MYO1B: variants seen among roughly 807,000 people sequenced by gnomAD.
The protein encoded by MYO1B is myosin IB.
In MYO1B, 72 loss-of-function variants were observed where a neutral mutation model predicts 159.7. The observed-to-expected ratio is 0.45, with a 90% CI of 0.37 to 0.55. The LOEUF (loss-of-function observed/expected upper bound fraction) is 0.55, where lower values mean the gene tolerates loss of function less well. Among genes scored for constraint, MYO1B ranks in the 20% least tolerant of loss-of-function variants. The pLI is 0.00. For synonymous variants in MYO1B, 468 were observed against 473.8 expected, an observed-to-expected ratio of 0.99 and a Z score of 0.16; for missense variants, 1,062 against 1,364.8, an observed-to-expected ratio of 0.78 and a Z score of 3.50.
chr2:191,384,782 A>G (rs1695302754), intron 15 of MYO1B, among the ~76,000 whole-genome samples: 1 of 152,216 alleles, frequency 6.6e-6, no homozygotes, highest in Admixed American at 6.5e-5. Context: ...AATACACTTA[A>G]TTTAACTAGA....
rs574387972 is a variant in MYO1B at position 191,302,281 on chromosome 2, G to A, written c.251+6055G>A. Among the ~76,000 whole-genome samples the A allele has an allele frequency of 2.0e-5, 3 of 152,168 alleles. No homozygotes were observed. In the South Asian group the frequency reaches 6.2e-4, roughly 32 times the overall value. ...CCTCTTGAATGAGATAGAAGCTTCT[G>A]TAGGTTAGAAACTTTATCCTGCACA... On this transcript the variant is annotated intron_variant, in intron 3 of 30. Coordinates refer to ENST00000392318, the MANE Select transcript of MYO1B (RefSeq NM_001130158.3).
At position 191,416,156 on chromosome 2, in the gene MYO1B, T is replaced by C. The variant is rs758316470; in HGVS notation, c.3201T>C (p.Ser1067=). ...GTAAAGGAGACTTTCTCTTCAGCAG[T>C]GATCACCTGATTGAAATGGCCACCA... The part of the protein sequence containing the change: ...AASKGDFLFS[S]DHLIEMATKL... Residue 1067 remains serine (S), a synonymous_variant, in exon 30 of 31, where the codon AGT becomes AGC. Coordinates refer to ENST00000392318, the MANE Select transcript of MYO1B (RefSeq NM_001130158.3). 6.2e-7 allele frequency: 1 copy of C among 1,614,190 alleles called. No individual in the cohort carries two copies. Among genetic ancestry groups the C allele is most frequent in the Admixed American group, 1.7e-5 (1 of 60,026 alleles).
intron 1 of MYO1B, among the ~76,000 whole-genome samples, chr2:191,246,655 G>C (rs1342076510): frequency 6.6e-6 from 1 of 151,718 alleles, no homozygotes; most frequent in Non-Finnish European, 1.5e-5. Flanking sequence ...AGTGGATATT[G>C]GCTGGAATGG....
chr2:191,267,127 C>T (rs1306361028), intron 1 of MYO1B, among the ~76,000 whole-genome samples: 1 of 152,082 alleles, frequency 6.6e-6, no homozygotes, highest in African/African-American at 2.4e-5. Flanking sequence ...AGGGTGTTAA[C>T]CCTTAGATAA....
intron 4 of MYO1B, among the ~76,000 whole-genome samples, chr2:191,332,210 A>T (rs7595096): frequency 0.094 from 14,269 of 152,136 alleles, 2,182 homozygotes; most frequent in African/African-American, 0.32. Flanking sequence ...TGATCCACCC[A>T]CCTTGGCCTC....
chr2:191,309,851 T>A (rs1011289051), intron 3 of MYO1B, among the ~76,000 whole-genome samples: 17 of 152,266 alleles, frequency 1.1e-4, no homozygotes, highest in African/African-American at 3.9e-4. Flanking sequence ...TTTTTGTTAC[T>A]TTATTGTCTT....
At position 191,274,781 on chromosome 2, in the gene MYO1B, G is replaced by GCATGGCACGTGCCTCC. The variant is rs1202833434; in HGVS notation, c.-9-2103_-9-2088dup. 2.6e-5 allele frequency among the ~76,000 whole-genome samples: 4 copies of GCATGGCACGTGCCTCC among 152,144 alleles called. No homozygotes were observed. In the East Asian group the frequency reaches 7.7e-4, roughly 29 times the overall value. On this transcript the variant is annotated intron_variant, in intron 1 of 30. Transcript: ENST00000392318. ...CTGTGGCTCCTGCTGCATTTCCATA[G>GCATGGCACGTGCCTCC]CATGGCACGTGCCTCCCACCCTCAT...
Position 191,284,962 on chromosome 2 carries a change from T to G in MYO1B, c.135+7932T>G, listed in dbSNP as rs540942725. ...ACCCTGGTATTTTCATTAGTTAGAT[T>G]CTTTCTCTTCTCCCCTTCCCTGCCT... On this transcript the variant is annotated intron_variant, in intron 2 of 30. Coordinates refer to ENST00000392318, the MANE Select transcript of MYO1B (RefSeq NM_001130158.3). Among the ~76,000 whole-genome samples the G allele has an allele frequency of 4.9e-4, 75 of 152,270 alleles. No homozygotes were observed. The Middle Eastern group carries it at 0.01, about 21-fold the overall frequency.
chr2:191,260,254 C>CTTGTTTTTTTTTTTTTTTTTTTTTTTTT (rs1686718325), intron 1 of MYO1B, among the ~76,000 whole-genome samples: 2 of 60,962 alleles, frequency 3.3e-5, no homozygotes, highest in East Asian at 8.3e-4. Flanking sequence ...CCCAGATAGG[C>CTTGTTTTTTTTTTTTTTTTTTTTTTTTT]TTTTTTTTTT....
intron 3 of MYO1B, among the ~76,000 whole-genome samples, chr2:191,311,555 C>T (rs1217706188): frequency 6.6e-6 from 1 of 152,154 alleles, no homozygotes; most frequent in African/African-American, 2.4e-5. Flanking sequence ...CCCTACCTCA[C>T]GTTTGGCCAT....
intron 20 of MYO1B, among the ~76,000 whole-genome samples, chr2:191,395,768 T>C (rs1464179): frequency 0.017 from 2,585 of 152,322 alleles, 66 homozygotes; most frequent in East Asian, 0.15. Context: ...ACTGTTGTGC[T>C]TTCTGTGCTG....
chr2:191,409,023 T>C, intron 25 of MYO1B, 21 bp from the exon 26 acceptor site: 1 of 1,594,768 alleles, frequency 6.3e-7, no homozygotes, highest in Non-Finnish European at 8.5e-7. Flanking sequence ...TCATGTAGTA[T>C]TTTCTGTCAA....
intron 1 of MYO1B, among the ~76,000 whole-genome samples, chr2:191,258,058 A>G (rs192941654): frequency 2.0e-5 from 3 of 152,216 alleles, no homozygotes; most frequent in Non-Finnish European, 4.4e-5. Context: ...TAGAACCAAT[A>G]TATGTATCGC....
intron 25 of MYO1B, among the ~76,000 whole-genome samples, chr2:191,408,520 G>A (rs981415124): frequency 2.0e-5 from 3 of 152,130 alleles, no homozygotes; most frequent in Non-Finnish European, 2.9e-5. Context: ...GGCAGGGCAA[G>A]GCTGGCAAGC....
chr2:191,356,010 T>C (rs1307916552), intron 7 of MYO1B, among the ~76,000 whole-genome samples: 2 of 152,226 alleles, frequency 1.3e-5, no homozygotes, highest in African/African-American at 4.8e-5. Context: ...CCATTTTGTA[T>C]GGAACGTGGT....
intron 30 of MYO1B, 99 bp from the exon 31 acceptor site, chr2:191,423,738 C>A (rs1199269005): frequency 1.5e-6 from 2 of 1,333,872 alleles, no homozygotes; most frequent in South Asian, 1.7e-5. Context: ...GCAGCCTGTA[C>A]TCGTCAAGAT....
At chr2:191,351,157 T>C (rs1171453036) in intron 7 of MYO1B, among the ~76,000 whole-genome samples, 1 of 150,580 alleles carries the variant, frequency 6.6e-6, no homozygotes, top group Non-Finnish European at 1.5e-5. Flanking sequence ...GCTATTGGGA[T>C]TGTTAGAATG....
chr2:191,394,213 TAG>T (rs1417622635), intron 20 of MYO1B, among the ~76,000 whole-genome samples: 4 of 152,208 alleles, frequency 2.6e-5, no homozygotes, highest in Non-Finnish European at 4.4e-5. Context: ...ATGTGAATGA[TAG>T]AGTCATTCAT....
intron 2 of MYO1B, among the ~76,000 whole-genome samples, chr2:191,281,493 A>T (rs972148574): frequency 9.2e-5 from 14 of 152,146 alleles, no homozygotes; most frequent in Non-Finnish European, 1.9e-4. Context: ...GCTGGTCGTG[A>T]CGTTCCCGAG....
Sources: gnomAD v4.1 joint callset for allele counts (sites outside exome capture counted in the v4.1 genomes callset) on GRCh38, gnomAD v4.1.1 for gene constraint, MANE v1.5 for transcripts, NCBI Gene and HGNC (gene_info 2026-07-23, HGNC 2026-07-21) for gene names.